Variants in KANSL3 observed in about 807,000 individuals in gnomAD.
The protein encoded by KANSL3 is NSL complex protein NSL3.
KANSL3 carries 16 observed loss-of-function variants against 89.2 expected under a neutral mutation model. The ratio of observed to expected loss-of-function variants is 0.18; its 90% CI spans 0.12 to 0.27. KANSL3 has a LOEUF of 0.27. KANSL3 is among the 10% of genes least tolerant of loss of function. The probability of loss-of-function intolerance (pLI) is 1.00; values close to 1 mark genes in which losing one functional copy is unlikely to be tolerated. For missense variants in KANSL3, 879 were observed against 1,110.6 expected (o/e 0.79, Z 2.96); for synonymous variants, 385 against 419.7 (o/e 0.92, Z 1.01).
At chr2:96,591,264 A>G (rs1029089948), downstream of KANSL3, among the ~76,000 whole-genome samples, 9 of 152,328 alleles carry the variant, frequency 5.9e-5, no homozygotes, top group Admixed American at 3.3e-4. Context: ...GCACTGTAAG[A>G]TTCTATTTAT....
chr2:96,627,698 C>T (rs2072619552), intron 3 of KANSL3, among the ~76,000 whole-genome samples: 1 of 152,082 alleles, frequency 6.6e-6, no homozygotes. Context: ...CTTGATGTGG[C>T]AAACTAATTT....
chr2:96,581,486 A>G, the KANSL3 span, among the ~76,000 whole-genome samples: 196 of 151,968 alleles, frequency 1.3e-3, no homozygotes, highest in African/African-American at 4.6e-3. Flanking sequence ...GTATATTAGC[A>G]TTCATTCTTA....
the KANSL3 span, among the ~76,000 whole-genome samples, chr2:96,585,094 CA>C: frequency 6.6e-6 from 1 of 152,008 alleles, no homozygotes; most frequent in Non-Finnish European, 1.5e-5. Context: ...AGTTAATGAC[CA>C]AGAGCCCAAA....
intron 1 of KANSL3, among the ~76,000 whole-genome samples, chr2:96,637,642 C>A (rs2074435585): frequency 6.6e-6 from 1 of 152,198 alleles, no homozygotes; most frequent in African/African-American, 2.4e-5. Context: ...GTGGGCACCC[C>A]TAAAGGGCAG....
downstream of KANSL3, among the ~76,000 whole-genome samples, chr2:96,591,007 C>CAAAACA (rs1245779572): frequency 3.3e-5 from 5 of 151,974 alleles, no homozygotes; most frequent in Admixed American, 3.3e-4. Context: ...CAAAACAAAA[C>CAAAACA]AAAACAAAAC....
In KANSL3 at chr2:96,621,437, C is replaced by A. The variant is rs575140367; in HGVS notation, c.387-1675G>T. ...GCTGAGGCAGAAGAAGCACTTGAAT[C>A]CAGGAGGCAGAGGTTGCAGTGAGCC... On this transcript the variant is annotated intron_variant, in intron 3 of 20. Coordinates refer to ENST00000431828, the MANE Select transcript of KANSL3 (RefSeq NM_001115016.3). 1.9e-4 allele frequency among the ~76,000 whole-genome samples: 29 copies of A among 151,698 alleles called. No homozygotes were observed. In the South Asian group the frequency reaches 5.2e-3, roughly 27 times the overall value.
chr2:96,602,393 G>C, intron 18 of KANSL3, 55 bp from the exon 19 acceptor site: 3 of 1,314,568 alleles, frequency 2.3e-6, no homozygotes, highest in South Asian at 1.3e-5. Context: ...AGCAACATTC[G>C]AGCTTGGAGG....
downstream of KANSL3, among the ~76,000 whole-genome samples, chr2:96,590,987 AAAAACAAAACAAAACAAAAC>A (rs61301801): frequency 1.3e-5 from 2 of 151,566 alleles, no homozygotes; most frequent in African/African-American, 2.4e-5. Context: ...CTCCGTCTCA[AAAAACAAAACAAAACAAAAC>A]AAAACAAAAC....
At chr2:96,618,274 G>T (rs2070597312) in intron 5 of KANSL3, among the ~76,000 whole-genome samples, 1 of 152,078 alleles carries the variant, frequency 6.6e-6, no homozygotes, top group African/African-American at 2.4e-5. Context: ...GAGTGCAGTG[G>T]TGGGACTGAA....
rs371756142 is a variant in KANSL3, at chr2:96,602,702, A to C, written c.2259+51T>G. ...TTCCCTGCCAAAACCAACTAAGCTG[A>C]GGAGGCCTCCTCCCTACACCTGCCC... On this transcript the variant is annotated intron_variant, in intron 18 of 20. Coordinates refer to ENST00000431828, the MANE Select transcript of KANSL3 (RefSeq NM_001115016.3). 3 of 1,444,048 alleles carry C rather than the reference A, an allele frequency of 2.1e-6. No homozygotes were observed. The African/African-American group carries it at 4.3e-5, about 21-fold the overall frequency. 89.5% of individuals were successfully genotyped at this position (1,444,048 alleles called of 1,614,324 possible). A position where few individuals can be genotyped will look rare whatever the true frequency, so the allele number is the denominator to read the frequency against.
At chr2:96,619,830 AAAG>A (rs2070912658) in intron 3 of KANSL3, 68 bp from the exon 4 acceptor site, 2 of 1,211,786 alleles carry the variant, frequency 1.7e-6, no homozygotes, top group Non-Finnish European at 1.2e-6. Context: ...TACACCATAT[AAAG>A]AAGATTATGC....
chr2:96,625,471 G>T (rs910067240), intron 3 of KANSL3, among the ~76,000 whole-genome samples: 6 of 152,162 alleles, frequency 3.9e-5, no homozygotes, highest in Non-Finnish European at 7.3e-5. Flanking sequence ...ATTTATTTAT[G>T]AAATATCAAC....
downstream of KANSL3, among the ~76,000 whole-genome samples, chr2:96,591,064 T>C (rs931782892): frequency 6.6e-6 from 1 of 152,168 alleles, no homozygotes; most frequent in African/African-American, 2.4e-5. Context: ...TTATCTGTAA[T>C]AGCCCCCAAC....
downstream of KANSL3, among the ~76,000 whole-genome samples, chr2:96,589,105 C>A (rs963566645): frequency 6.6e-6 from 1 of 152,018 alleles, no homozygotes; most frequent in Non-Finnish European, 1.5e-5. Flanking sequence ...TATGAATAAA[C>A]CAAAATTGTA....
chr2:96,596,312 C>T (rs1254240407), intron 20 of KANSL3, among the ~76,000 whole-genome samples: 1 of 152,224 alleles, frequency 6.6e-6, no homozygotes, highest in African/African-American at 2.4e-5. Context: ...AATCCCAACA[C>T]TTTGGGAGGC....
At chr2:96,637,715 T>C (rs1243821658) in intron 1 of KANSL3, among the ~76,000 whole-genome samples, 1 of 152,172 alleles carries the variant, frequency 6.6e-6, no homozygotes, top group Non-Finnish European at 1.5e-5. Context: ...GCCTCTCGTA[T>C]TGTGCGAAAC....
At chr2:96,582,193 C>T in the KANSL3 span, among the ~76,000 whole-genome samples, 1 of 152,056 alleles carries the variant, frequency 6.6e-6, no homozygotes, top group Non-Finnish European at 1.5e-5. Context: ...AGTTTGAGAC[C>T]AGCTTGGCCA....
chr2:96,595,814 C>T (rs2066476916), intron 20 of KANSL3, among the ~76,000 whole-genome samples, 183 bp from the exon 21 acceptor site: 1 of 152,202 alleles, frequency 6.6e-6, no homozygotes. Flanking sequence ...AGAACATGGA[C>T]TCTAGAGTGA....
chr2:96,608,023 A>T (rs1164352140), intron 14 of KANSL3, among the ~76,000 whole-genome samples: 1 of 152,200 alleles, frequency 6.6e-6, no homozygotes, highest in Non-Finnish European at 1.5e-5. Context: ...TTTCGACTAT[A>T]GGAATACTTC....
Sources: gnomAD v4.1 joint callset for allele counts (sites outside exome capture counted in the v4.1 genomes callset) on GRCh38, gnomAD v4.1.1 for gene constraint, MANE v1.5 for transcripts, NCBI Gene and HGNC (gene_info 2026-07-23, HGNC 2026-07-21) for gene names.